Variants in UGT1A3 observed in about 807,000 individuals in gnomAD.
The protein encoded by UGT1A3 is UDP-glucuronosyltransferase 1A3.
A neutral mutation model predicts 41.0 loss-of-function variants in UGT1A3; 31 were observed. The ratio of observed to expected loss-of-function variants is 0.76; its 90% CI spans 0.57 to 1.02. The LOEUF (loss-of-function observed/expected upper bound fraction) is 1.02, where lower values mean the gene tolerates loss of function less well. Among genes scored for constraint, UGT1A3 ranks in the 50% least tolerant of loss-of-function variants. UGT1A3 has a pLI of 0.00. For missense variants in UGT1A3, 737 were observed against 671.0 expected, an observed-to-expected ratio of 1.10 and a Z score of -1.09; for synonymous variants, 262 against 257.6, an observed-to-expected ratio of 1.02 and a Z score of -0.17.
intron 1 of UGT1A3, chr2:233,760,364 A>G (rs1697418455): frequency 1.9e-6 from 3 of 1,614,036 alleles, no homozygotes; most frequent in Non-Finnish European, 2.5e-6. Flanking sequence ...GTGGTGTCCC[A>G]TGCTGGGAAG....
At chr2:233,763,403 G>T (rs1219713616) in intron 1 of UGT1A3, among the ~76,000 whole-genome samples, 1 of 152,040 alleles carries the variant, frequency 6.6e-6, no homozygotes, top group Non-Finnish European at 1.5e-5. Context: ...CATGGCACTG[G>T]TATTTTTAAT....
At chr2:233,746,438 T>A (rs1187941624) in intron 1 of UGT1A3, among the ~76,000 whole-genome samples, 3 of 151,694 alleles carry the variant, frequency 2.0e-5, no homozygotes, top group Admixed American at 1.3e-4. Flanking sequence ...TGTCTTCAGC[T>A]TAAAAAGAAA....
chr2:233,739,587 GCCTATAGCC>G (rs1691150074), intron 1 of UGT1A3, among the ~76,000 whole-genome samples: 1 of 152,224 alleles, frequency 6.6e-6, no homozygotes, highest in Non-Finnish European at 1.5e-5. Flanking sequence ...CTTGCATGGG[GCCTATAGCC>G]CCTTTGTTTT....
At chr2:233,755,301 G>A in intron 1 of UGT1A3, 2 of 599,966 alleles carry the variant, frequency 3.3e-6, no homozygotes, top group Non-Finnish European at 5.2e-6. Context: ...CGGGGCACTG[G>A]CACAGCGAGC....
intron 1 of UGT1A3, among the ~76,000 whole-genome samples, chr2:233,745,989 G>A (rs1477607074): frequency 1.3e-5 from 2 of 151,676 alleles, no homozygotes; most frequent in Admixed American, 1.3e-4. Context: ...ATGACAGCTG[G>A]GTCTGAGAGA....
At chr2:233,737,427 G>T (rs1289829376) in intron 1 of UGT1A3, among the ~76,000 whole-genome samples, 1 of 152,214 alleles carries the variant, frequency 6.6e-6, no homozygotes, top group Non-Finnish European at 1.5e-5. Flanking sequence ...ACAGTATTTG[G>T]GTGGGAGTGT....
intron 1 of UGT1A3, among the ~76,000 whole-genome samples, chr2:233,737,114 T>A (rs79657348): frequency 0.021 from 3,211 of 152,324 alleles, 101 homozygotes; most frequent in African/African-American, 0.073. Context: ...TCCCCACATG[T>A]TCAGAAGTTG....
At chr2:233,756,557 G>C (rs1264520005) in intron 1 of UGT1A3, among the ~76,000 whole-genome samples, 1 of 152,134 alleles carries the variant, frequency 6.6e-6, no homozygotes, top group Admixed American at 6.6e-5. Flanking sequence ...CAACCAGGGA[G>C]ATCCTCTCAG....
intron 1 of UGT1A3, chr2:233,760,671 C>T: frequency 6.2e-7 from 1 of 1,614,146 alleles, no homozygotes; most frequent in Non-Finnish European, 8.5e-7. Context: ...CTGGCTGTTC[C>T]CACTTACTGC....
At chr2:233,747,840 A>T in intron 1 of UGT1A3, 1 of 1,613,552 alleles carries the variant, frequency 6.2e-7, no homozygotes, top group South Asian at 1.1e-5. Flanking sequence ...ATTCCTGCAA[A>T]GGGTCAAGAA....
At chr2:233,742,512 C>T (rs924249262) in intron 1 of UGT1A3, among the ~76,000 whole-genome samples, 15 of 151,990 alleles carry the variant, frequency 9.9e-5, no homozygotes, top group African/African-American at 3.6e-4. Context: ...ATCATGAACA[C>T]GTCACAGTGC....
chr2:233,768,384 GA>G lies in UGT1A3; in HGVS notation c.1255del (p.Met419Ter). 1.9e-6 allele frequency: 3 copies of G among 1,614,136 alleles called. No homozygotes were observed. The highest frequency in any genetic ancestry group is 2.5e-6 in the Non-Finnish European group (3 of 1,180,028). ...AGCTGGAGTGACCCTGAATGTTCTG[GA>G]AATGACTTCTGAAGATTTAGAAAAT... ...KGAGVTLNVLEMTSEDLENAL... is the reference protein window; with the variant it reads ...KGAGVTLNVLXMTSEDLENAL... On this transcript the variant is annotated frameshift_variant, in exon 4 of 5. Transcript: ENST00000482026. LOFTEE classifies it high-confidence loss of function.
In UGT1A3 at chr2:233,729,310, A is replaced by G. The variant is rs771983234; in HGVS notation, c.184A>G (p.Thr62Ala). The change falls in exon 1 of 5, where the codon ACC becomes GCC. Residue 62 changes from threonine (T) to alanine (A), a missense_variant. Transcript: ENST00000482026. ...HARGHQAVVL[T>A]PEVNMHIKEE... ...CAGAGGCCACCAGGCAGTGGTCCTC[A>G]CCCCAGAGGTGAATATGCACATCAA... is the stretch of plus-strand genomic sequence containing the variant. 1 of 1,614,266 alleles carries G rather than the reference A, an allele frequency of 6.2e-7. No homozygotes were observed. The highest frequency in any genetic ancestry group is 8.5e-7 in the Non-Finnish European group (1 of 1,180,048).
At chr2:233,732,357 TC>T (rs2078264075) in intron 1 of UGT1A3, among the ~76,000 whole-genome samples, 1 of 152,282 alleles carries the variant, frequency 6.6e-6, no homozygotes, top group South Asian at 2.1e-4. Flanking sequence ...AGTCATGAAG[TC>T]CTGGCCCATG....
At chr2:233,748,271 GAGGA>G (rs762610387) in intron 1 of UGT1A3, among the ~76,000 whole-genome samples, 6 of 151,770 alleles carry the variant, frequency 4.0e-5, no homozygotes, top group Admixed American at 1.3e-4. Flanking sequence ...TGGTCAATGA[GAGGA>G]AGAAGAGGCA....
chr2:233,757,478 C>T (rs1489873843), intron 1 of UGT1A3, among the ~76,000 whole-genome samples: 8 of 146,268 alleles, frequency 5.5e-5, no homozygotes, highest in African/African-American at 1.5e-4. Flanking sequence ...TCTCCAAAAC[C>T]ATGGACTGGC....
chr2:233,763,077 G>C (rs1318326063), intron 1 of UGT1A3, among the ~76,000 whole-genome samples: 1 of 152,214 alleles, frequency 6.6e-6, no homozygotes, highest in Non-Finnish European at 1.5e-5. Context: ...TTCTTTGCGT[G>C]AGGATGTTTG....
chr2:233,731,860 A>G (rs2078213759), intron 1 of UGT1A3, among the ~76,000 whole-genome samples: 1 of 152,222 alleles, frequency 6.6e-6, no homozygotes, highest in Non-Finnish European at 1.5e-5. Context: ...GAATCGCCAC[A>G]CTGTCTTCCA....
intron 1 of UGT1A3, chr2:233,748,094 C>T: frequency 6.2e-7 from 1 of 1,612,860 alleles, no homozygotes; most frequent in Non-Finnish European, 8.5e-7. Flanking sequence ...GTGTTCGTGC[C>T]TTCATCCAAT....
Sources: gnomAD v4.1 joint callset for allele counts (sites outside exome capture counted in the v4.1 genomes callset) on GRCh38, gnomAD v4.1.1 for gene constraint, MANE v1.5 for transcripts, NCBI Gene and HGNC (gene_info 2026-07-23, HGNC 2026-07-21) for gene names.